Variants in TAFA5 observed in about 807,000 individuals in gnomAD.
TAFA5 encodes chemokine-like protein TAFA-5.
A neutral mutation model predicts 15.3 loss-of-function variants in TAFA5; 6 were observed. The observed-to-expected ratio is 0.39, with a 90% CI of 0.21 to 0.77. The LOEUF is 0.77. Among genes scored for constraint, TAFA5 ranks in the 30% least tolerant of loss-of-function variants. The probability of loss-of-function intolerance (pLI) is 0.41; values close to 1 mark genes in which losing one functional copy is unlikely to be tolerated. For synonymous variants in TAFA5, 103 were observed against 80.7 expected, an observed-to-expected ratio of 1.28 and a Z score of -1.48; for missense variants, 161 against 193.1, an observed-to-expected ratio of 0.83 and a Z score of 0.98.
At chr22:48,676,715 G>A (rs112852244) in intron 2 of TAFA5, among the ~76,000 whole-genome samples, 6 of 152,350 alleles carry the variant, frequency 3.9e-5, no homozygotes, top group African/African-American at 1.4e-4. Context: ...TCTGCGGCCG[G>A]GGAGCGGGTA....
In TAFA5 at chr22:48,677,928, C is replaced by T. The variant is rs1015622951; in HGVS notation, c.263-29789C>T. ...AGGCAGCCCTGCCTGATCTGGCATC[C>T]TCACCCCCAGACCTTCCAGTCCCCC... is the stretch of plus-strand genomic sequence containing the variant. On this transcript the variant is annotated intron_variant, in intron 2 of 3. Transcript: ENST00000402357. Among the ~76,000 whole-genome samples the T allele has an allele frequency of 4.6e-5, 7 of 152,038 alleles. No individual in the cohort carries two copies. In the South Asian group the frequency reaches 1.0e-3, roughly 23 times the overall value.
rs1030616723 is a variant in TAFA5 at position 48,717,518 on chromosome 22, T to C, written c.390+9674T>C. ...AAATGAATTCCAAATATGCAGGCATTCAGGGAGGGAAAAAACGAAGATTTT... is the reference window on the plus strand; with the variant it reads ...AAATGAATTCCAAATATGCAGGCATCCAGGGAGGGAAAAAACGAAGATTTT... On this transcript the variant is annotated intron_variant, in intron 3 of 3. Transcript: ENST00000402357. 2.0e-5 allele frequency among the ~76,000 whole-genome samples: 3 copies of C among 152,172 alleles called. No homozygotes were observed. The East Asian group carries it at 5.8e-4, about 29-fold the overall frequency.
intron 1 of TAFA5, among the ~76,000 whole-genome samples, chr22:48,584,627 A>G (rs1601595834): frequency 6.7e-6 from 1 of 148,446 alleles, no homozygotes. Context: ...CACACACACC[A>G]CTCACAAAAT....
chr22:48,662,432 C>T (rs1316679474), intron 2 of TAFA5, among the ~76,000 whole-genome samples: 4 of 152,214 alleles, frequency 2.6e-5, no homozygotes, highest in African/African-American at 9.6e-5. Flanking sequence ...CTGCAGAGGT[C>T]AGGCTGGGCA....
At chr22:48,636,986 G>A (rs958333615) in intron 1 of TAFA5, among the ~76,000 whole-genome samples, 1 of 152,208 alleles carries the variant, frequency 6.6e-6, no homozygotes, top group Admixed American at 6.5e-5. Flanking sequence ...GGCAGTAGGG[G>A]CCCAAGTGAG....
At chr22:48,587,249 C>T (rs745821714) in intron 1 of TAFA5, among the ~76,000 whole-genome samples, 37 of 152,142 alleles carry the variant, frequency 2.4e-4, no homozygotes, top group African/African-American at 6.3e-4. Flanking sequence ...GCTGTGGGCA[C>T]GAGTTCTGGA....
chr22:48,525,938 C>T (rs1214716517), intron 1 of TAFA5, among the ~76,000 whole-genome samples: 2 of 152,216 alleles, frequency 1.3e-5, no homozygotes, highest in African/African-American at 2.4e-5. Flanking sequence ...ACTCCCGCTG[C>T]CCTGCCTCCC....
At chr22:48,651,248 G>A (rs899068840) in intron 2 of TAFA5, among the ~76,000 whole-genome samples, 22 of 152,226 alleles carry the variant, frequency 1.4e-4, no homozygotes, top group Non-Finnish European at 5.9e-5. Context: ...AGTCTCGGTC[G>A]TGGGCGGGGG....
At position 48,749,296 on chromosome 22, in the gene TAFA5, G is replaced by A. The variant is rs574933234; in HGVS notation, c.391-543G>A. The stretch of plus-strand genomic sequence containing the variant: ...CTTTCAGATCCCCATCCCCCAGTAT[G>A]TGGTCATTTGATTGGGCAGCCACGG... On this transcript the variant is annotated intron_variant, in intron 3 of 3. Transcript: ENST00000402357. 2.6e-5 allele frequency among the ~76,000 whole-genome samples: 4 copies of A among 152,312 alleles called. No individual in the cohort carries two copies. The South Asian group carries it at 8.3e-4, about 32-fold the overall frequency.
At chr22:48,629,642 G>A (rs1166707925) in intron 1 of TAFA5, among the ~76,000 whole-genome samples, 1 of 152,224 alleles carries the variant, frequency 6.6e-6, no homozygotes, top group Non-Finnish European at 1.5e-5. Context: ...TGCCCCTCAG[G>A]GGACATTTGA....
At chr22:48,706,428 T>C (rs962332685) in intron 2 of TAFA5, among the ~76,000 whole-genome samples, 7 of 152,210 alleles carry the variant, frequency 4.6e-5, no homozygotes, top group African/African-American at 1.7e-4. Flanking sequence ...GCGAGCCACA[T>C]GCAGTCCATC....
chr22:48,745,389 C>T (rs1394716582), intron 3 of TAFA5, among the ~76,000 whole-genome samples: 2 of 150,610 alleles, frequency 1.3e-5, no homozygotes, highest in African/African-American at 4.9e-5. Flanking sequence ...CCGGGGTTCA[C>T]CCTGAGCATG....
intron 2 of TAFA5, among the ~76,000 whole-genome samples, chr22:48,674,098 C>A (rs531697954): frequency 7.7e-4 from 117 of 152,122 alleles, no homozygotes; most frequent in Non-Finnish European, 7.4e-4. Flanking sequence ...CATCTCACAT[C>A]TAGACTCTGT....
chr22:48,715,175 C>T (rs1447688361), intron 3 of TAFA5, among the ~76,000 whole-genome samples: 1 of 152,240 alleles, frequency 6.6e-6, no homozygotes, highest in Non-Finnish European at 1.5e-5. Context: ...CGGCCCAGAT[C>T]AGAACCCATG....
chr22:48,745,192 A>G lies in TAFA5; in HGVS notation c.391-4647A>G, dbSNP rs557252846. Among the ~76,000 whole-genome samples the G allele has an allele frequency of 1.9e-3, 281 of 151,764 alleles. 1 individual carries two copies. The highest frequency in any genetic ancestry group is 6.6e-3 in the African/African-American group (273 of 41,122). ...TCATTGCACAGGGCACAGCTTTGTC[A>G]TCGGCAGCTGGCCTGTCCAGGGTTC... On this transcript the variant is annotated intron_variant, in intron 3 of 3. Transcript: ENST00000402357.
intron 3 of TAFA5, among the ~76,000 whole-genome samples, chr22:48,724,790 G>A (rs1269435233): frequency 6.6e-6 from 1 of 152,226 alleles, no homozygotes; most frequent in Non-Finnish European, 1.5e-5. Context: ...TGATCAGAGG[G>A]TTCACAGGCA....
intron 3 of TAFA5, among the ~76,000 whole-genome samples, chr22:48,733,055 G>A (rs1283137667): frequency 6.6e-6 from 1 of 152,162 alleles, no homozygotes; most frequent in Non-Finnish European, 1.5e-5. Flanking sequence ...CCAAAAATTT[G>A]TGTCACTCTC....
intron 3 of TAFA5, among the ~76,000 whole-genome samples, chr22:48,743,805 T>C (rs981895705): frequency 2.6e-5 from 4 of 152,206 alleles, no homozygotes; most frequent in African/African-American, 9.6e-5. Flanking sequence ...CTGAGTCAGG[T>C]GCCTTGTTTA....
intron 3 of TAFA5, among the ~76,000 whole-genome samples, chr22:48,708,329 AC>A (rs1271796698): frequency 1.3e-5 from 2 of 152,028 alleles, no homozygotes; most frequent in East Asian, 3.9e-4. Context: ...GTGGCTGCTC[AC>A]ACCAGAGACC....
Sources: allele counts gnomAD v4.1 joint callset (sites outside exome capture counted in the v4.1 genomes callset), GRCh38; gene constraint gnomAD v4.1.1; transcripts MANE v1.5; gene names NCBI Gene and HGNC (gene_info 2026-07-23, HGNC 2026-07-21).